The following FAM135B variants were observed in gnomAD, a reference collection of about 807,000 sequenced individuals.
FAM135B encodes family with sequence similarity 135 member B, also known as protein FAM135B.
Under a neutral mutation model 127.7 loss-of-function variants are expected in FAM135B, and 43 were observed. The ratio of observed to expected loss-of-function variants is 0.34; its 90% confidence interval spans 0.26 to 0.43. FAM135B has a LOEUF of 0.43. Ranked by LOEUF, FAM135B falls within the 20% of genes least tolerant of loss-of-function variation. The probability of loss-of-function intolerance (pLI) is 1.00; values close to 1 mark genes in which losing one functional copy is unlikely to be tolerated. For missense variants in FAM135B, 1,558 were observed against 1,725.6 expected, an observed-to-expected ratio of 0.90 and a Z score of 1.72; for synonymous variants, 670 against 665.1, an observed-to-expected ratio of 1.01 and a Z score of -0.11.
At chr8:138,157,948 C>T (rs1818938781) in intron 12 of FAM135B, among the ~76,000 whole-genome samples, 2 of 152,310 alleles carry the variant, frequency 1.3e-5, no homozygotes, top group Middle Eastern at 3.4e-3. Flanking sequence ...GAAAAAACTA[C>T]TTTAAAGTTC....
intron 3 of FAM135B, among the ~76,000 whole-genome samples, chr8:138,293,720 G>T (rs1266191326): frequency 6.6e-6 from 1 of 152,132 alleles, no homozygotes; most frequent in East Asian, 1.9e-4. Context: ...CTGCAAGAAT[G>T]AATATTATTA....
intron 1 of FAM135B, among the ~76,000 whole-genome samples, chr8:138,399,541 C>T (rs1833033573): frequency 6.6e-6 from 1 of 152,130 alleles, no homozygotes; most frequent in Admixed American, 6.5e-5. Flanking sequence ...GGCTTTACCA[C>T]CCCCACTGTC....
intron 3 of FAM135B, among the ~76,000 whole-genome samples, chr8:138,273,812 C>G (rs567364754): frequency 6.6e-6 from 1 of 152,276 alleles, no homozygotes; most frequent in East Asian, 1.9e-4. Flanking sequence ...CACTTCCCAC[C>G]TCTCTGTGTT....
At chr8:138,212,880 T>C (rs1818249469) in intron 7 of FAM135B, among the ~76,000 whole-genome samples, 1 of 152,216 alleles carries the variant, frequency 6.6e-6, no homozygotes, top group South Asian at 2.1e-4. Context: ...TATAAAACCA[T>C]AAACACCTTT....
At chr8:138,422,206 C>T (rs1834552294) in intron 1 of FAM135B, among the ~76,000 whole-genome samples, 2 of 152,106 alleles carry the variant, frequency 1.3e-5, no homozygotes, top group South Asian at 2.1e-4. Flanking sequence ...TGGACATCCA[C>T]CTTCACAAAG....
intron 1 of FAM135B, among the ~76,000 whole-genome samples, chr8:138,442,069 G>A (rs779982441): frequency 8.5e-4 from 128 of 151,402 alleles, no homozygotes; most frequent in Non-Finnish European, 1.5e-3. Context: ...CGATGTGAAG[G>A]ACCATTGTAT....
At chr8:138,442,731 AG>A (rs1296033728) in intron 1 of FAM135B, among the ~76,000 whole-genome samples, 2 of 152,258 alleles carry the variant, frequency 1.3e-5, no homozygotes, top group East Asian at 3.9e-4. Flanking sequence ...AAGTCCCCTT[AG>A]TAATGAATTC....
chr8:138,152,435 T>A lies in FAM135B; in HGVS notation c.2040A>T (p.Ser680=), dbSNP rs764861541. ...CAATGCCTGAATCAGATATGATGGA[T>A]GAAGATCTCTTGATGACCCCGGATA... ...SVLSGVIKRS[S]SIISDSGIES... is the part of the protein sequence containing the mutation. The change falls in exon 13 of 20, where the codon TCA becomes TCT. Residue 680 remains serine, a synonymous_variant. Transcript: ENST00000395297. 2 of 1,614,178 alleles carry A rather than the reference T, an allele frequency of 1.2e-6. No homozygotes were observed. The highest frequency in any genetic ancestry group is 1.7e-6 in the Non-Finnish European group (2 of 1,180,036).
chr8:138,435,496 G>A (rs936520576), intron 1 of FAM135B, among the ~76,000 whole-genome samples: 2 of 152,134 alleles, frequency 1.3e-5, no homozygotes, highest in African/African-American at 4.8e-5. Context: ...TAGCCTTGCT[G>A]TATTTAAATG....
intron 3 of FAM135B, among the ~76,000 whole-genome samples, chr8:138,300,063 G>C (rs1825770429): frequency 6.6e-6 from 1 of 152,002 alleles, no homozygotes; most frequent in South Asian, 2.1e-4. Context: ...CACATCCCGG[G>C]TTCAAGTGAT....
chr8:138,422,824 G>C (rs1416616962), intron 1 of FAM135B, among the ~76,000 whole-genome samples: 1 of 152,180 alleles, frequency 6.6e-6, no homozygotes, highest in East Asian at 1.9e-4. Flanking sequence ...TATGTTCACT[G>C]CAGCACTTTT....
intron 7 of FAM135B, among the ~76,000 whole-genome samples, chr8:138,223,993 G>T (rs538152695): frequency 6.6e-6 from 1 of 151,788 alleles, no homozygotes; most frequent in South Asian, 2.1e-4. Flanking sequence ...GGTACACATG[G>T]ATATAAAGAT....
At chr8:138,170,896 T>C (rs1820374702) in intron 11 of FAM135B, among the ~76,000 whole-genome samples, 1 of 152,052 alleles carries the variant, frequency 6.6e-6, no homozygotes, top group Non-Finnish European at 1.5e-5. Context: ...GAAAGGCACA[T>C]TCATCTCTCA....
chr8:138,261,435 A>G (rs1822531520), intron 4 of FAM135B, among the ~76,000 whole-genome samples: 1 of 152,212 alleles, frequency 6.6e-6, no homozygotes, highest in Non-Finnish European at 1.5e-5. Flanking sequence ...GGAGCTTAGC[A>G]CTAAATACAT....
At chr8:138,208,207 G>A (rs751295848) in intron 7 of FAM135B, among the ~76,000 whole-genome samples, 6 of 152,096 alleles carry the variant, frequency 3.9e-5, no homozygotes, top group Admixed American at 1.3e-4. Flanking sequence ...TAGAGGGTTC[G>A]AATAGGTCAG....
chr8:138,197,073 ATATGTGTGTGTG>A (rs1193873135), intron 8 of FAM135B, among the ~76,000 whole-genome samples: 1 of 113,470 alleles, frequency 8.8e-6, no homozygotes, highest in Non-Finnish European at 1.7e-5. Flanking sequence ...ATATGTATGC[ATATGTGTGTGTG>A]TGTGTGTGTG....
In FAM135B at chr8:138,152,994, A is replaced by G. The variant is rs748238518; in HGVS notation, c.1481T>C (p.Met494Thr). 1 of 1,614,204 alleles carries G rather than the reference A, an allele frequency of 6.2e-7. No homozygotes were observed. Among genetic ancestry groups the G allele is most frequent in the East Asian group, 2.2e-5 (1 of 44,870 alleles). The part of the protein sequence containing the change: ...ENVATQNHMD[M>T]CSESQVYISI... ...TATATACACCTGAGATTCAGAGCAC[A>G]TGTCCATATGATTTTGTGTGGCCAC... Residue 494 changes from methionine to threonine, a missense_variant, in exon 13 of 20, where the codon ATG (methionine) becomes ACG (threonine). This residue lies in a region of FAM135B where 923 missense variants were observed against 865.3 expected (regional missense o/e 1.07). Transcript: ENST00000395297.
intron 2 of FAM135B, among the ~76,000 whole-genome samples, chr8:138,360,098 AAGAC>A (rs1032463247): frequency 9.8e-5 from 15 of 152,322 alleles, no homozygotes; most frequent in South Asian, 6.2e-4. Context: ...GAGAGGAAGA[AAGAC>A]AGGGGATGAA....
intron 1 of FAM135B, among the ~76,000 whole-genome samples, chr8:138,368,520 T>C (rs543943663): frequency 7.2e-5 from 11 of 152,356 alleles, no homozygotes; most frequent in African/African-American, 2.6e-4. Flanking sequence ...TAGTAAATAC[T>C]GAATAAGTTT....
Sources: gnomAD v4.1 joint callset for allele counts (sites outside exome capture counted in the v4.1 genomes callset) on GRCh38, gnomAD v4.1.1 for gene constraint, gnomAD v4.1.1 regional missense constraint, MANE v1.5 for transcripts, NCBI Gene and HGNC (gene_info 2026-07-23, HGNC 2026-07-21) for gene names.